The following PIGU variants were observed in gnomAD, a reference collection of about 807,000 sequenced individuals.
The protein encoded by PIGU is GPI-anchor transamidase component PIGU.
A neutral mutation model predicts 49.9 loss-of-function variants in PIGU; 24 were observed. The ratio of observed to expected loss-of-function variants is 0.48; its 90% CI spans 0.35 to 0.68. PIGU has a LOEUF of 0.68. Among genes scored for constraint, PIGU ranks in the 30% least tolerant of loss-of-function variants. The pLI is 0.01. For synonymous variants in PIGU, 220 were observed against 205.7 expected, an observed-to-expected ratio of 1.07 and a Z score of -0.59; for missense variants, 490 against 532.6, an observed-to-expected ratio of 0.92 and a Z score of 0.79.
chr20:34,611,756 T>C (rs1205958121), intron 7 of PIGU, among the ~76,000 whole-genome samples: 4 of 144,546 alleles, frequency 2.8e-5, no homozygotes, highest in African/African-American at 1.0e-4. Flanking sequence ...CCAAGAAACA[T>C]GAAAAAAGCT....
chr20:34,616,220 C>A, intron 6 of PIGU, 81 bp from the exon 7 acceptor site: 1 of 1,447,844 alleles, frequency 6.9e-7, no homozygotes, highest in South Asian at 1.3e-5. Flanking sequence ...CAACACAAAA[C>A]TTTCCATAAC....
chr20:34,641,962 CAG>C (rs1231594465), intron 4 of PIGU, among the ~76,000 whole-genome samples: 1 of 152,102 alleles, frequency 6.6e-6, no homozygotes, highest in Non-Finnish European at 1.5e-5. Flanking sequence ...TTGGTAATAA[CAG>C]AATGTCTTGG....
At chr20:34,601,907 G>A (rs1984439115) in intron 7 of PIGU, among the ~76,000 whole-genome samples, 1 of 152,194 alleles carries the variant, frequency 6.6e-6, no homozygotes, top group African/African-American at 2.4e-5. Context: ...GGTTCACACT[G>A]CAAATTTCCC....
At chr20:34,659,672 T>A (rs1247780870) in intron 1 of PIGU, among the ~76,000 whole-genome samples, 1 of 152,140 alleles carries the variant, frequency 6.6e-6, no homozygotes, top group East Asian at 1.9e-4. Flanking sequence ...TAGAAAGAAG[T>A]AGACATGGGA....
intron 2 of PIGU, among the ~76,000 whole-genome samples, chr20:34,649,254 T>C (rs1986451751): frequency 6.6e-6 from 1 of 152,020 alleles, no homozygotes; most frequent in African/African-American, 2.4e-5. Context: ...TGAATAAAAA[T>C]CTTAGTAAAT....
chr20:34,642,744 C>CTTTTT, intron 4 of PIGU, among the ~76,000 whole-genome samples: 1 of 91,156 alleles, frequency 1.1e-5, no homozygotes, highest in Non-Finnish European at 2.3e-5. Flanking sequence ...TTTCCCTAGT[C>CTTTTT]TTTTTTTTTT....
In PIGU at chr20:34,641,050, C is replaced by T. The variant is rs550908938; in HGVS notation, c.319-3065G>A. On this transcript the variant is annotated intron_variant, in intron 4 of 11. Coordinates refer to ENST00000217446, the MANE Select transcript of PIGU (RefSeq NM_080476.5). ...CTGGGATTACAGGCGCCCACCACCG[C>T]GCCCGGCTAATTTTTATATTTTTAG... 6.0e-4 allele frequency among the ~76,000 whole-genome samples: 92 copies of T among 152,194 alleles called. No individual in the cohort carries two copies. The Middle Eastern group carries it at 0.014, about 23-fold the overall frequency.
Position 34,581,635 on chromosome 20 carries a change from C to G in PIGU, c.964G>C (p.Val322Leu), listed in dbSNP as rs765199008. 6.2e-7 allele frequency: 1 copy of G among 1,613,988 alleles called. No homozygotes were observed. The highest frequency in any genetic ancestry group is 1.1e-5 in the South Asian group (1 of 91,060). ...PIFFMFIQIA[V>L]IAIFKSYPTV... is the part of the protein sequence containing the mutation. ...GGGTAGGACTTAAAGATGGCGATGA[C>G]AGCGATCTGGATAAACATGAAGAAG... The change falls in exon 10 of 12, where the codon GTC (valine) becomes CTC (leucine). Residue 322 changes from valine (V) to leucine (L), a missense_variant. By Grantham distance (32) the Val-to-Leu change is conservative. Coordinates refer to ENST00000217446, the MANE Select transcript of PIGU (RefSeq NM_080476.5).
In PIGU at chr20:34,575,135, T is replaced by C. The variant is rs1394455981; in HGVS notation, c.1163A>G (p.Tyr388Cys). 2 of 1,613,956 alleles carry C rather than the reference T, an allele frequency of 1.2e-6. No homozygotes were observed. The highest frequency in any genetic ancestry group is 1.1e-5 in the South Asian group (1 of 91,086). Residue 388 changes from tyrosine (Y) to cysteine (C), a missense_variant, in exon 11 of 12, where the codon TAT becomes TGT. Physicochemically the swap from Tyr to Cys is radical, Grantham distance 194 (BLOSUM62 -2). Transcript: ENST00000217446. ...AACGTTGAAGGTCAGTGTGATGGCA[T>C]AAAAGAAATTAGAGTTGGCACTTCC... ...YAGSANSNFF[Y>C]AITLTFNVGQ... is the part of the protein sequence containing the mutation.
chr20:34,642,519 A>G (rs984638072), intron 4 of PIGU, among the ~76,000 whole-genome samples: 1 of 151,950 alleles, frequency 6.6e-6, no homozygotes, highest in African/African-American at 2.4e-5. Flanking sequence ...TGGCATTAGC[A>G]TCTAATCAAC....
intron 7 of PIGU, among the ~76,000 whole-genome samples, chr20:34,594,819 G>A (rs1323892263): frequency 1.3e-5 from 2 of 152,016 alleles, no homozygotes; most frequent in Non-Finnish European, 2.9e-5. Flanking sequence ...TAGGCTGGGC[G>A]CAGTGGCTCA....
At chr20:34,660,107 G>A (rs1286900755) in intron 1 of PIGU, among the ~76,000 whole-genome samples, 7 of 140,122 alleles carry the variant, frequency 5.0e-5, no homozygotes, top group Non-Finnish European at 9.4e-5. Context: ...AAATAAATAA[G>A]TGGAAGAGAA....
intron 1 of PIGU, among the ~76,000 whole-genome samples, chr20:34,660,312 C>CGGT (rs1419242612): frequency 6.6e-6 from 1 of 152,044 alleles, no homozygotes; most frequent in Admixed American, 6.6e-5. Flanking sequence ...TTTACATGGG[C>CGGT]GGTGGTTCAT....
chr20:34,659,015 C>A (rs1248118254), intron 1 of PIGU, among the ~76,000 whole-genome samples: 1 of 138,572 alleles, frequency 7.2e-6, no homozygotes, highest in South Asian at 2.3e-4. Context: ...TGCCCGGCCA[C>A]CCCCTACTGG....
chr20:34,623,401 C>T (rs185801443), intron 6 of PIGU, among the ~76,000 whole-genome samples: 4 of 152,036 alleles, frequency 2.6e-5, no homozygotes, highest in Admixed American at 2.6e-4. Context: ...ATTTATTGAG[C>T]ACTTACTCTG....
intron 2 of PIGU, among the ~76,000 whole-genome samples, chr20:34,651,273 T>C (rs1568659044): frequency 6.6e-6 from 1 of 152,178 alleles, no homozygotes; most frequent in Admixed American, 6.5e-5. Context: ...CCTTGTCATT[T>C]TGGTTGGTCC....
chr20:34,639,365 C>T (rs1404411016), intron 4 of PIGU, among the ~76,000 whole-genome samples: 1 of 152,104 alleles, frequency 6.6e-6, no homozygotes, highest in Non-Finnish European at 1.5e-5. Context: ...TATACCACCG[C>T]ACTCCAGCCT....
At chr20:34,633,734 A>T (rs1568650574) in intron 6 of PIGU, among the ~76,000 whole-genome samples, 2 of 151,796 alleles carry the variant, frequency 1.3e-5, no homozygotes, top group Admixed American at 1.3e-4. Flanking sequence ...CACCCGGCTA[A>T]TTTTTTTCCT....
intron 10 of PIGU, among the ~76,000 whole-genome samples, chr20:34,579,914 A>C (rs1983392090): frequency 6.6e-6 from 1 of 152,178 alleles, no homozygotes; most frequent in African/African-American, 2.4e-5. Flanking sequence ...TCACGATACT[A>C]ACTGCAGTGC....
Sources: allele counts gnomAD v4.1 joint callset (sites outside exome capture counted in the v4.1 genomes callset), GRCh38; gene constraint gnomAD v4.1.1; transcripts MANE v1.5; gene names NCBI Gene and HGNC (gene_info 2026-07-23, HGNC 2026-07-21).